Variants in SLC9A4 observed in about 807,000 individuals in gnomAD.
SLC9A4 encodes solute carrier family 9 member A4, also known as sodium/hydrogen exchanger 4.
A neutral mutation model predicts 67.4 loss-of-function variants in SLC9A4; 63 were observed. The observed-to-expected ratio is 0.93, with a 90% confidence interval of 0.76 to 1.15. The LOEUF is 1.15. Ranked by LOEUF, SLC9A4 falls within the 50% of genes most tolerant of loss-of-function variation. The pLI is 0.00. For synonymous variants in SLC9A4, 393 were observed against 367.2 expected, an observed-to-expected ratio of 1.07 and a Z score of -0.80; for missense variants, 1,089 against 987.7, an observed-to-expected ratio of 1.10 and a Z score of -1.38.
At chr2:102,508,336 A>G (rs1263114481) in intron 5 of SLC9A4, 55 bp downstream of exon 5, 12 of 1,416,322 alleles carry the variant, frequency 8.5e-6, no homozygotes, top group Non-Finnish European at 1.1e-5. Context: ...ACAATGTAGT[A>G]AATTAGTAAA....
At chr2:102,512,002 A>G (rs1343712953) in intron 6 of SLC9A4, among the ~76,000 whole-genome samples, 1 of 152,188 alleles carries the variant, frequency 6.6e-6, no homozygotes, top group Non-Finnish European at 1.5e-5. Flanking sequence ...TTATCTACAG[A>G]GTCTTTAAAC....
Position 102,484,821 on chromosome 2 carries a change from G to C in SLC9A4, c.720+5519G>C, listed in dbSNP as rs1269528835. Among the ~76,000 whole-genome samples, 9 of 152,286 alleles carry C rather than the reference G, an allele frequency of 5.9e-5. No individual in the cohort carries two copies. In the East Asian group the frequency reaches 1.7e-3, roughly 29 times the overall value. Reference sequence around the variant, plus strand: ...CAGGGTTGAAGCTGGAACCCAAGCAGCCTGACTCCAGGGTGTCTCTGCTCT... The same window carrying C: ...CAGGGTTGAAGCTGGAACCCAAGCACCCTGACTCCAGGGTGTCTCTGCTCT... On this transcript the variant is annotated intron_variant, in intron 2 of 11. Coordinates refer to ENST00000295269, the MANE Select transcript of SLC9A4 (RefSeq NM_001011552.4).
intron 2 of SLC9A4, among the ~76,000 whole-genome samples, chr2:102,493,349 G>A (rs1292978751): frequency 1.3e-5 from 2 of 151,872 alleles, no homozygotes; most frequent in African/African-American, 4.9e-5. Context: ...CCAAGACTGG[G>A]TAATTTATAA....
Position 102,503,485 on chromosome 2 carries a change from A to G in SLC9A4, c.758A>G (p.His253Arg). 13 of 1,613,276 alleles carry G rather than the reference A, an allele frequency of 8.1e-6. No individual in the cohort carries two copies. The highest frequency in any genetic ancestry group is 1.1e-5 in the South Asian group (1 of 91,038). ...YNMLIAFTKMHKFEDIETVDI... is the reference protein window; with the variant it reads ...YNMLIAFTKMRKFEDIETVDI... ...ATGTTAATTGCCTTTACAAAGATGCATAAATTTGAAGACATAGAAACTGTC... is the reference window on the plus strand; with the variant it reads ...ATGTTAATTGCCTTTACAAAGATGCGTAAATTTGAAGACATAGAAACTGTC... Residue 253 changes from histidine (H) to arginine (R), a missense_variant, in exon 3 of 12, where the codon CAT (histidine) becomes CGT (arginine). Transcript: ENST00000295269.
At chr2:102,497,505 A>C (rs554568859) in intron 2 of SLC9A4, among the ~76,000 whole-genome samples, 1 of 152,352 alleles carries the variant, frequency 6.6e-6, no homozygotes, top group African/African-American at 2.4e-5. Context: ...CTCAGGTATA[A>C]AAAGGAAGGG....
chr2:102,528,514 C>A (rs1674715243), intron 11 of SLC9A4, among the ~76,000 whole-genome samples: 1 of 151,990 alleles, frequency 6.6e-6, no homozygotes, highest in African/African-American at 2.4e-5. Flanking sequence ...GATCCTCCTG[C>A]CTCGCCTCCT....
chr2:102,482,851 A>T (rs943656515), intron 2 of SLC9A4, among the ~76,000 whole-genome samples: 6 of 152,232 alleles, frequency 3.9e-5, no homozygotes, highest in Non-Finnish European at 5.9e-5. Flanking sequence ...TTATTCATCA[A>T]AAACTCAGAT....
At chr2:102,532,234 C>G in intron 11 of SLC9A4, 96 bp from the exon 12 acceptor site, 1 of 1,341,284 alleles carries the variant, frequency 7.5e-7, no homozygotes, top group East Asian at 2.3e-5. Flanking sequence ...TCAGGAAGAG[C>G]TTTGCTTCAC....
At chr2:102,499,541 T>C (rs908664751) in intron 2 of SLC9A4, among the ~76,000 whole-genome samples, 4 of 152,188 alleles carry the variant, frequency 2.6e-5, no homozygotes, top group African/African-American at 9.7e-5. Context: ...TGTCTGTGTG[T>C]CTGTTGCATG....
In SLC9A4 at chr2:102,525,216, G is replaced by T. The variant is rs906162959; in HGVS notation, c.1950+61G>T. 7.5e-6 allele frequency: 12 copies of T among 1,606,988 alleles called. No individual in the cohort carries two copies. The East Asian group carries it at 2.7e-4, about 36-fold the overall frequency. On this transcript the variant is annotated intron_variant, in intron 10 of 11. Transcript: ENST00000295269. ...TGTGCAAGTGTTTGTCATCTGCTGA[G>T]CCTGTTCCTGTACAGGATCTCACAT...
rs550807823 is a variant in SLC9A4 at position 102,487,785 on chromosome 2, T to C, written c.720+8483T>C. Among the ~76,000 whole-genome samples the C allele has an allele frequency of 2.0e-5, 3 of 152,308 alleles. No individual in the cohort carries two copies. In the East Asian group the frequency reaches 5.8e-4, roughly 29 times the overall value. ...TTGTCAGGAGATGGGGTTGAGCAGC[T>C]ATGGAAATGGATTTGGAAGAGAAAC... On this transcript the variant is annotated intron_variant, in intron 2 of 11. Transcript: ENST00000295269.
chr2:102,507,258 A>G (rs1327914233), intron 4 of SLC9A4, among the ~76,000 whole-genome samples: 1 of 152,246 alleles, frequency 6.6e-6, no homozygotes, highest in Non-Finnish European at 1.5e-5. Flanking sequence ...CCTATTATCA[A>G]AGAATGCTTG....
At chr2:102,495,893 A>T (rs922384435) in intron 2 of SLC9A4, among the ~76,000 whole-genome samples, 1 of 152,182 alleles carries the variant, frequency 6.6e-6, no homozygotes, top group African/African-American at 2.4e-5. Context: ...TGGAAAAGGT[A>T]TAATTATAAA....
intron 7 of SLC9A4, among the ~76,000 whole-genome samples, chr2:102,513,191 C>G (rs1351922711): frequency 6.6e-6 from 1 of 152,112 alleles, no homozygotes; most frequent in African/African-American, 2.4e-5. Flanking sequence ...GACAGAAGAT[C>G]GACCCAGTTG....
At position 102,500,711 on chromosome 2, in the gene SLC9A4, A is replaced by G. The variant is rs532947350; in HGVS notation, c.721-2737A>G. On this transcript the variant is annotated intron_variant, in intron 2 of 11. Coordinates refer to ENST00000295269, the MANE Select transcript of SLC9A4 (RefSeq NM_001011552.4). ...GGAGTAACAAAAAGTGTACAGTTAC[A>G]TGGTGACTGCAGCATAAATATGTCC... Among the ~76,000 whole-genome samples the G allele has an allele frequency of 3.5e-4, 54 of 152,302 alleles. No homozygotes were observed. In the South Asian group the frequency reaches 7.9e-3, roughly 22 times the overall value.
Position 102,532,490 on chromosome 2 carries a change from A to G in SLC9A4, c.2199A>G (p.Gln733=). 1 of 1,614,192 alleles carries G rather than the reference A, an allele frequency of 6.2e-7. No individual in the cohort carries two copies. The highest frequency in any genetic ancestry group is 8.5e-7 in the Non-Finnish European group (1 of 1,180,018). Residue 733 remains glutamine (Q), a synonymous_variant, in exon 12 of 12, where the codon CAA becomes CAG. Coordinates refer to ENST00000295269, the MANE Select transcript of SLC9A4 (RefSeq NM_001011552.4). ...TTGGTTATCAAAGAAACACAAGCCAAGAAGAGTACTTGGGTGGAGTAAGGA... is the reference window on the plus strand; with the variant it reads ...TTGGTTATCAAAGAAACACAAGCCAGGAAGAGTACTTGGGTGGAGTAAGGA... ...FSFGYQRNTS[Q]EEYLGGVRRV...
intron 2 of SLC9A4, among the ~76,000 whole-genome samples, chr2:102,485,619 C>T (rs1033905187): frequency 2.6e-5 from 4 of 152,236 alleles, no homozygotes; most frequent in East Asian, 3.9e-4. Context: ...TGGAGCATTG[C>T]GGAGGGGGCT....
intron 8 of SLC9A4, among the ~76,000 whole-genome samples, chr2:102,519,462 C>T (rs1407396865): frequency 6.6e-6 from 1 of 152,126 alleles, no homozygotes; most frequent in Non-Finnish European, 1.5e-5. Context: ...TTGAATGAAT[C>T]ATTTTTTTTC....
chr2:102,477,795 A>C (rs1684364453), intron 1 of SLC9A4, among the ~76,000 whole-genome samples: 1 of 152,224 alleles, frequency 6.6e-6, no homozygotes, highest in African/African-American at 2.4e-5. Flanking sequence ...TGCAGGCTAC[A>C]TAAAGATAGT....
Sources: gnomAD v4.1 joint callset for allele counts (sites outside exome capture counted in the v4.1 genomes callset) on GRCh38, gnomAD v4.1.1 for gene constraint, MANE v1.5 for transcripts, NCBI Gene and HGNC (gene_info 2026-07-23, HGNC 2026-07-21) for gene names.